Variants in DOP1B observed in about 807,000 individuals in gnomAD.
DOP1B encodes the protein protein DOP1B.
Under a neutral mutation model 233.5 loss-of-function variants are expected in DOP1B, and 174 were observed. The observed-to-expected ratio is 0.75, with a 90% CI of 0.66 to 0.85. DOP1B has a LOEUF of 0.85. Among genes scored for constraint, DOP1B ranks in the 40% least tolerant of loss-of-function variants. The pLI, the probability that DOP1B is intolerant of heterozygous loss-of-function variation, is 0.00. For synonymous variants in DOP1B, 1,190 were observed against 1,185.6 expected (o/e 1.00, Z -0.08); for missense variants, 2,652 against 2,846.6 (o/e 0.93, Z 1.56).
At position 36,238,650 on chromosome 21, in the gene DOP1B, C is replaced by G; in HGVS notation, c.2825C>G (p.Thr942Arg). ...AGATTTTCCGTGATCTGGCATCTGA[C>G]AAGAGAGATCCAAGGCAGTCGAGTA... ...LFRFSVIWHL[T>R]REIQGSRVTS... Residue 942 changes from threonine to arginine, a missense_variant, in exon 17 of 37, where the codon ACA becomes AGA. Thr to Arg is a moderately conservative substitution (Grantham distance 71). Coordinates refer to ENST00000691173, the MANE Select transcript of DOP1B (RefSeq NM_001320714.2). 6.2e-7 allele frequency: 1 copy of G among 1,614,234 alleles called. No individual in the cohort carries two copies. Among genetic ancestry groups the G allele is most frequent in the Non-Finnish European group, 8.5e-7 (1 of 1,180,044 alleles).
intron 11 of DOP1B, among the ~76,000 whole-genome samples, chr21:36,223,741 T>C (rs2123524094): frequency 6.6e-6 from 1 of 152,290 alleles, no homozygotes; most frequent in East Asian, 1.9e-4. Context: ...GAAATGAATG[T>C]AACTGGTCAG....
chr21:36,286,361 G>A (rs773272900), intron 32 of DOP1B, among the ~76,000 whole-genome samples: 50 of 152,018 alleles, frequency 3.3e-4, no homozygotes, highest in Non-Finnish European at 5.7e-4. Context: ...AAAGACAGGC[G>A]CGGTGGCTCA....
chr21:36,196,117 GAAGTACTTA>G (rs1170577777), intron 2 of DOP1B, among the ~76,000 whole-genome samples: 1 of 152,228 alleles, frequency 6.6e-6, no homozygotes, highest in African/African-American at 2.4e-5. Flanking sequence ...CTCCCCATGG[GAAGTACTTA>G]ACATCTTTTT....
intron 18 of DOP1B, among the ~76,000 whole-genome samples, chr21:36,241,233 G>A (rs1157217893): frequency 6.6e-6 from 1 of 151,870 alleles, no homozygotes; most frequent in Non-Finnish European, 1.5e-5. Flanking sequence ...GGCAGAGGTT[G>A]CAGTGAGCCA....
intron 19 of DOP1B, 83 bp from the exon 20 acceptor site, chr21:36,247,434 C>G: frequency 1.2e-6 from 1 of 860,240 alleles, no homozygotes; most frequent in Non-Finnish European, 1.8e-6. Context: ...TCCCTAGTTC[C>G]TGTGTTTATA....
chr21:36,227,922 G>T, intron 13 of DOP1B, 45 bp downstream of exon 13: 1 of 1,493,986 alleles, frequency 6.7e-7, no homozygotes. Flanking sequence ...GCTAAAAGCA[G>T]CTTATGCCTT....
In DOP1B at chr21:36,214,497, A is replaced by G. The variant is rs775050572; in HGVS notation, c.1070A>G (p.His357Arg). The G allele has an allele frequency of 1.5e-5, 25 of 1,613,900 alleles. No individual in the cohort carries two copies. The South Asian group carries it at 1.9e-4, about 12-fold the overall frequency. ...KFIDADVEER[H>R]HAYLKPFRVL... The stretch of plus-strand genomic sequence containing the variant: ...ATAGATGCTGACGTGGAGGAACGCC[A>G]TCATGCATACCTGAAGCCTTTTCGC... Residue 357 changes from histidine (H) to arginine (R), a missense_variant, in exon 9 of 37, where the codon CAT (histidine) becomes CGT (arginine). By Grantham distance (29) the His-to-Arg change is conservative. This residue lies in a region of DOP1B where 2,617 missense variants were observed against 2,794.3 expected (regional missense o/e 0.94). Coordinates refer to ENST00000691173, the MANE Select transcript of DOP1B (RefSeq NM_001320714.2).
At chr21:36,273,022 A>G (rs1391701438) in intron 27 of DOP1B, among the ~76,000 whole-genome samples, 1 of 151,350 alleles carries the variant, frequency 6.6e-6, no homozygotes, top group African/African-American at 2.4e-5. Context: ...CCATCTCTAC[A>G]AAAGGGGAGG....
intron 2 of DOP1B, among the ~76,000 whole-genome samples, chr21:36,177,951 A>G (rs1002654918): frequency 6.6e-6 from 1 of 152,228 alleles, no homozygotes; most frequent in African/African-American, 2.4e-5. Flanking sequence ...GATAAGGGAA[A>G]GGGTTTGTGA....
chr21:36,246,777 T>G lies in DOP1B; in HGVS notation c.4697+100T>G. On this transcript the variant is annotated intron_variant, in intron 19 of 36. Transcript: ENST00000691173. This position sits in a 1 kb window ranked among gnomAD's most constrained non-coding sequence, Gnocchi z 5.1. The stretch of plus-strand genomic sequence containing the variant: ...TGTGGATGTCGGTTGGAGGATAATT[T>G]CATCCCAATGAGAAGCCTGTTTAGC... The G allele has an allele frequency of 7.0e-7, 1 of 1,423,868 alleles. No homozygotes were observed. Among genetic ancestry groups the G allele is most frequent in the African/African-American group, 1.4e-5 (1 of 70,866 alleles). The allele number at this position is 1,423,868 out of a possible 1,614,324, so 88.2% of individuals were successfully genotyped here.
chr21:36,208,946 A>C, intron 5 of DOP1B, 42 bp downstream of exon 5: 1 of 1,462,048 alleles, frequency 6.8e-7, no homozygotes, highest in Non-Finnish European at 9.0e-7. Context: ...AGGAGGCGAC[A>C]TGTGGGCACA....
At chr21:36,165,843 A>G (rs1601373299) in intron 2 of DOP1B, among the ~76,000 whole-genome samples, 1 of 151,390 alleles carries the variant, frequency 6.6e-6, no homozygotes, top group East Asian at 2.0e-4. Flanking sequence ...CAGCCACCCA[A>G]GTAGTTGGGA....
At chr21:36,248,633 G>A (rs937160156) in intron 21 of DOP1B, 65 bp downstream of exon 21, 2 of 1,488,606 alleles carry the variant, frequency 1.3e-6, no homozygotes, top group African/African-American at 1.4e-5. Context: ...CAAAATAAAT[G>A]TGTATAGGAA....
At chr21:36,288,624 C>A (rs1270957530) in intron 33 of DOP1B, 132 bp from the exon 34 acceptor site, 3 of 696,622 alleles carry the variant, frequency 4.3e-6, no homozygotes, top group Non-Finnish European at 7.3e-6. Context: ...GCACTCCAGA[C>A]TGGGTGACAG....
rs779678302 is a variant in DOP1B, at chr21:36,246,136, T to A, written c.4156T>A (p.Phe1386Ile). 1 of 1,613,756 alleles carries A rather than the reference T, an allele frequency of 6.2e-7. No individual in the cohort carries two copies. The highest frequency in any genetic ancestry group is 8.5e-7 in the Non-Finnish European group (1 of 1,179,972). Residue 1386 changes from phenylalanine to isoleucine, a missense_variant, in exon 19 of 37, where the codon TTT (phenylalanine) becomes ATT (isoleucine). Physicochemically the swap from Phe to Ile is conservative, Grantham distance 21. Coordinates refer to ENST00000691173, the MANE Select transcript of DOP1B (RefSeq NM_001320714.2). The surrounding 1 kb of genome is among the most constrained non-coding windows in gnomAD (Gnocchi z 5.1). ...GCTGCAGAGGTGCAAAGTTCAGGAG[T>A]TTGTCCTGCTCTCCCTGTCGGCGTC... ...SLLQRCKVQE[F>I]VLLSLSASMY...
Position 36,247,581 on chromosome 21 carries a change from A to G in DOP1B, c.4762A>G (p.Thr1588Ala). The G allele has an allele frequency of 1.2e-6, 2 of 1,610,030 alleles. No homozygotes were observed. The highest frequency in any genetic ancestry group is 1.7e-4 in the Middle Eastern group (1 of 6,050). The change falls in exon 20 of 37, where the codon ACC becomes GCC. Residue 1588 changes from threonine (T) to alanine (A), a missense_variant. Thr to Ala is a moderately conservative substitution (Grantham distance 58). Around this residue, in one of 3 missense-constraint regions of DOP1B, gnomAD observed 2,617 missense variants for 2,794.3 expected, o/e 0.94. Coordinates refer to ENST00000691173, the MANE Select transcript of DOP1B (RefSeq NM_001320714.2). ...ACTCACCCTTCTAGAAGGTCTAACG[A>G]CCATTAGTCATTTTTGTCTTTTGGA... ...YPLTLLEGLT[T>A]ISHFCLLEQA...
At chr21:36,225,764 T>G (rs2066675504) in intron 12 of DOP1B, 97 bp downstream of exon 12, 3 of 1,237,228 alleles carry the variant, frequency 2.4e-6, no homozygotes, top group Non-Finnish European at 3.5e-6. Flanking sequence ...ACTGAAAATG[T>G]TTTACATAAA....
intron 12 of DOP1B, 143 bp from the exon 13 acceptor site, chr21:36,227,543 T>G: frequency 1.5e-6 from 1 of 687,254 alleles, no homozygotes; most frequent in Non-Finnish European, 2.2e-6. Context: ...CAAGACTCTG[T>G]CAAAAAAAAA....
Position 36,196,864 on chromosome 21 carries a change from A to T in DOP1B, c.139-2206A>T, listed in dbSNP as rs539787341. On this transcript the variant is annotated intron_variant, in intron 2 of 36. Transcript: ENST00000691173. ...GAACCTGGAGGTTGAAGCTGCATGG[A>T]ACCATGATCGCACACTTGCTCTCCA... 1.4e-4 allele frequency among the ~76,000 whole-genome samples: 21 copies of T among 152,188 alleles called. No homozygotes were observed. The South Asian group carries it at 4.4e-3, about 32-fold the overall frequency.
Sources: gnomAD v4.1 joint callset for allele counts (sites outside exome capture counted in the v4.1 genomes callset) on GRCh38, gnomAD v4.1.1 for gene constraint, gnomAD v4.1.1 regional missense constraint, Gnocchi (gnomAD v3.1) non-coding constraint, MANE v1.5 for transcripts, NCBI Gene and HGNC (gene_info 2026-07-23, HGNC 2026-07-21) for gene names.